Variants in CSMD1 observed in about 807,000 individuals in gnomAD.
CSMD1 encodes CUB and Sushi multiple domains 1.
In CSMD1, 213 loss-of-function variants were observed where a neutral mutation model predicts 417.5. That is an observed-to-expected ratio of 0.51 (90% confidence interval 0.46 to 0.57). CSMD1 has a LOEUF of 0.57. CSMD1 is among the 20% of genes least tolerant of loss of function. The pLI is 0.00. For synonymous variants in CSMD1, 2,862 were observed against 1,736.8 expected (o/e 1.65, Z -16.11); for missense variants, 6,923 against 4,529.7 (o/e 1.53, Z -15.17).
At chr8:4,067,050 T>A (rs540314319) in intron 3 of CSMD1, among the ~76,000 whole-genome samples, 1 of 152,376 alleles carries the variant, frequency 6.6e-6, no homozygotes, top group African/African-American at 2.4e-5. Context: ...AATCAAGTGT[T>A]GCCACATGGC....
At chr8:4,318,762 T>C (rs1376366531) in intron 3 of CSMD1, among the ~76,000 whole-genome samples, 4 of 149,590 alleles carry the variant, frequency 2.7e-5, no homozygotes, top group Admixed American at 1.3e-4. Flanking sequence ...GATCAACCAA[T>C]AGATACCATA....
chr8:3,236,687 G>A (rs1033480585), intron 26 of CSMD1, among the ~76,000 whole-genome samples: 4 of 152,084 alleles, frequency 2.6e-5, no homozygotes, highest in African/African-American at 9.7e-5. Context: ...CTCTTCCAGG[G>A]CTGTATTCTT....
chr8:3,065,587 C>T (rs1443009632), intron 49 of CSMD1, among the ~76,000 whole-genome samples: 1 of 151,450 alleles, frequency 6.6e-6, no homozygotes, highest in Non-Finnish European at 1.5e-5. Context: ...CATAGATACA[C>T]AGATCGATAG....
At chr8:3,726,600 A>G (rs1802511632) in intron 6 of CSMD1, among the ~76,000 whole-genome samples, 2 of 152,298 alleles carry the variant, frequency 1.3e-5, no homozygotes, top group Middle Eastern at 3.4e-3. Flanking sequence ...ATTCATGTGA[A>G]GTTCCCTGTG....
intron 26 of CSMD1, among the ~76,000 whole-genome samples, chr8:3,240,754 T>C (rs957932552): frequency 6.6e-6 from 1 of 151,996 alleles, no homozygotes; most frequent in Non-Finnish European, 1.5e-5. Context: ...TAGGAGAGTA[T>C]ATGGGTTTGG....
At chr8:4,075,668 C>A (rs923058541) in intron 3 of CSMD1, among the ~76,000 whole-genome samples, 4 of 152,056 alleles carry the variant, frequency 2.6e-5, no homozygotes, top group East Asian at 1.9e-4. Flanking sequence ...ATTTGTGAGA[C>A]GTTTTGGAGC....
At chr8:4,433,341 G>C (rs1315272629) in intron 2 of CSMD1, among the ~76,000 whole-genome samples, 2 of 152,096 alleles carry the variant, frequency 1.3e-5, no homozygotes, top group Non-Finnish European at 2.9e-5. Flanking sequence ...AAAGGTTGGG[G>C]ACTGCTATTA....
chr8:4,580,582 C>T (rs569941576), intron 2 of CSMD1, among the ~76,000 whole-genome samples: 10 of 152,228 alleles, frequency 6.6e-5, no homozygotes, highest in South Asian at 2.1e-4. Context: ...CCTCCTTTCT[C>T]CTCTTCCATC....
At chr8:3,942,602 G>A (rs1182597186) in intron 5 of CSMD1, among the ~76,000 whole-genome samples, 1 of 152,136 alleles carries the variant, frequency 6.6e-6, no homozygotes, top group Non-Finnish European at 1.5e-5. Context: ...TTCCTCTAAA[G>A]GCGACATTGG....
intron 23 of CSMD1, among the ~76,000 whole-genome samples, chr8:3,328,306 A>T (rs536840456): frequency 1.3e-5 from 2 of 152,186 alleles, no homozygotes; most frequent in South Asian, 4.2e-4. Flanking sequence ...TTCTCACTGG[A>T]GCTCTGCCTG....
At chr8:4,812,199 C>T (rs1027133046) in intron 1 of CSMD1, among the ~76,000 whole-genome samples, 1 of 152,210 alleles carries the variant, frequency 6.6e-6, no homozygotes, top group East Asian at 1.9e-4. Context: ...TGTCTGTTCA[C>T]TGCCTTGCCT....
At chr8:4,476,296 G>A (rs575413645) in intron 2 of CSMD1, among the ~76,000 whole-genome samples, 6 of 152,208 alleles carry the variant, frequency 3.9e-5, no homozygotes, top group African/African-American at 9.6e-5. Context: ...TTATAAGCAT[G>A]TATCTATTCT....
chr8:4,297,497 A>G (rs117865989), intron 3 of CSMD1, among the ~76,000 whole-genome samples: 2,882 of 152,334 alleles, frequency 0.019, 65 homozygotes, highest in South Asian at 0.097. Flanking sequence ...CCAAAGTTAC[A>G]TTCAGGCCAT....
intron 1 of CSMD1, among the ~76,000 whole-genome samples, chr8:4,730,130 G>C (rs551981357): frequency 6.6e-6 from 1 of 152,250 alleles, no homozygotes; most frequent in African/African-American, 2.4e-5. Context: ...GCATTGAGAA[G>C]TACTTGGAGA....
intron 3 of CSMD1, among the ~76,000 whole-genome samples, chr8:4,336,032 T>A (rs1800149047): frequency 6.6e-6 from 1 of 152,134 alleles, no homozygotes; most frequent in African/African-American, 2.4e-5. Context: ...ACTTCTAGAT[T>A]TCCAAACTTC....
At chr8:3,803,644 G>A (rs921443831) in intron 5 of CSMD1, among the ~76,000 whole-genome samples, 1 of 152,112 alleles carries the variant, frequency 6.6e-6, no homozygotes, top group Non-Finnish European at 1.5e-5. Context: ...TGGAAGGAGA[G>A]GAGGGTTCAT....
At position 4,457,108 on chromosome 8, in the gene CSMD1, G is replaced by C. The variant is rs1051343773; in HGVS notation, c.303-37043C>G. Among the ~76,000 whole-genome samples the C allele has an allele frequency of 5.9e-5, 9 of 151,872 alleles. No homozygotes were observed. In the East Asian group the frequency reaches 1.6e-3, roughly 26 times the overall value. ...AGAGAAAAATAATATGACTATCGAT[G>C]TGTTTCTTACTGTGAAAGAGTTATT... On this transcript the variant is annotated intron_variant, in intron 2 of 69. Transcript: ENST00000635120.
intron 3 of CSMD1, among the ~76,000 whole-genome samples, chr8:4,299,759 T>C (rs1405309758): frequency 1.3e-5 from 2 of 151,876 alleles, no homozygotes; most frequent in African/African-American, 4.8e-5. Flanking sequence ...GCCTCCCGAG[T>C]AGCTGAGATT....
intron 10 of CSMD1, among the ~76,000 whole-genome samples, chr8:3,537,843 A>G (rs1487605888): frequency 6.6e-6 from 1 of 152,230 alleles, no homozygotes; most frequent in Non-Finnish European, 1.5e-5. Context: ...GACACAATAA[A>G]TACTTCTAAA....
Sources: gnomAD v4.1 joint callset for allele counts (sites outside exome capture counted in the v4.1 genomes callset) on GRCh38, gnomAD v4.1.1 for gene constraint, MANE v1.5 for transcripts, NCBI Gene and HGNC (gene_info 2026-07-23, HGNC 2026-07-21) for gene names.